Variants in DOCK5 observed in about 807,000 individuals in gnomAD.
The protein encoded by DOCK5 is dedicator of cytokinesis 5.
DOCK5 carries 142 observed loss-of-function variants against 251.8 expected under a neutral mutation model. That is an observed-to-expected ratio of 0.56 (90% CI 0.49 to 0.65). The LOEUF is 0.65. DOCK5 is among the 30% of genes least tolerant of loss of function. DOCK5 has a pLI of 0.00. For synonymous variants in DOCK5, 842 were observed against 835.5 expected, an observed-to-expected ratio of 1.01 and a Z score of -0.13; for missense variants, 2,111 against 2,312.3, an observed-to-expected ratio of 0.91 and a Z score of 1.79.
chr8:25,315,257 G>A (rs1474465519), intron 13 of DOCK5, among the ~76,000 whole-genome samples: 2 of 150,652 alleles, frequency 1.3e-5, no homozygotes, highest in Admixed American at 1.3e-4. Flanking sequence ...CCTACCTCTG[G>A]GCCTTTGCAC....
intron 2 of DOCK5, among the ~76,000 whole-genome samples, chr8:25,244,252 A>G (rs926786042): frequency 2.0e-5 from 3 of 152,190 alleles, no homozygotes; most frequent in African/African-American, 7.2e-5. Context: ...ATCTCCTTCA[A>G]CTAGGTCAGG....
intron 43 of DOCK5, 122 bp downstream of exon 43, chr8:25,392,102 G>C (rs1204032111): frequency 2.2e-6 from 2 of 903,532 alleles, no homozygotes; most frequent in Admixed American, 2.5e-5. Flanking sequence ...AAGAGATCGA[G>C]ACCATCCTGG....
At chr8:25,402,827 T>C (rs1392914580) in intron 47 of DOCK5, among the ~76,000 whole-genome samples, 2 of 152,258 alleles carry the variant, frequency 1.3e-5, no homozygotes, top group Non-Finnish European at 2.9e-5. Flanking sequence ...TGCTCTTTTC[T>C]CCCCCATTCC....
chr8:25,389,784 A>C (rs1023205138), intron 41 of DOCK5, among the ~76,000 whole-genome samples: 1 of 152,194 alleles, frequency 6.6e-6, no homozygotes, highest in Non-Finnish European at 1.5e-5. Flanking sequence ...AATACCTAGC[A>C]CAGTGCCCAA....
At chr8:25,330,810 G>A (rs1391637729) in intron 18 of DOCK5, among the ~76,000 whole-genome samples, 2 of 151,860 alleles carry the variant, frequency 1.3e-5, no homozygotes, top group African/African-American at 4.9e-5. Flanking sequence ...TAATCCCTTT[G>A]GGAGGGATTT....
rs1405368350 is a variant in DOCK5 at position 25,415,175 on chromosome 8, T to C, written c.*3877T>C. The C allele has an allele frequency of 6.6e-6, 1 of 152,178 alleles. No individual in the cohort carries two copies. Among genetic ancestry groups the C allele is most frequent in the Non-Finnish European group, 1.5e-5 (1 of 68,040 alleles). 9.4% of individuals were successfully genotyped at this position (152,178 alleles called of 1,614,324 possible). ...TATGTCAGTAATAATCCAGCACACA[T>C]TGAAATATTGACACAGATTACCATA... On this transcript the variant is annotated 3_prime_UTR_variant, in exon 52 of 52. Coordinates refer to ENST00000276440, the MANE Select transcript of DOCK5 (RefSeq NM_024940.8).
At position 25,190,775 on chromosome 8, in the gene DOCK5, G is replaced by GTTTTTTTTTTTTTTTTTTTTTTTTTT. The variant is rs755511798; in HGVS notation, c.43+5824_43+5825insTTTTTTTTTTTTTTTTTTTTTTTTTT. Among the ~76,000 whole-genome samples the GTTTTTTTTTTTTTTTTTTTTTTTTTT allele has an allele frequency of 1.7e-4, 9 of 53,980 alleles. 2 individuals are homozygous for GTTTTTTTTTTTTTTTTTTTTTTTTTT. Among genetic ancestry groups the GTTTTTTTTTTTTTTTTTTTTTTTTTT allele is most frequent in the South Asian group, 6.7e-4 (1 of 1,496 alleles). The allele number at this position is 53,980 out of a possible 152,430, so 35.4% of individuals were successfully genotyped here. ...AAGGCCTGGCCTTAACTTGGTCATG[G>GTTTTTTTTTTTTTTTTTTTTTTTTTT]GTTTTTTTTTTTTTTTTTTTTTTTT... is the stretch of plus-strand genomic sequence containing the variant. On this transcript the variant is annotated intron_variant, in intron 1 of 51. Transcript: ENST00000276440.
At chr8:25,264,031 C>T (rs895892578) in intron 2 of DOCK5, among the ~76,000 whole-genome samples, 1 of 151,738 alleles carries the variant, frequency 6.6e-6, no homozygotes, top group African/African-American at 2.4e-5. Context: ...CATTCATGGC[C>T]ACCCCCAGCA....
intron 1 of DOCK5, among the ~76,000 whole-genome samples, chr8:25,192,954 A>G (rs576318100): frequency 6.6e-6 from 1 of 152,356 alleles, no homozygotes; most frequent in African/African-American, 2.4e-5. Context: ...AAAGCAACAA[A>G]AATAAAAGCG....
At chr8:25,207,694 T>TA in intron 1 of DOCK5, among the ~76,000 whole-genome samples, 1 of 152,318 alleles carries the variant, frequency 6.6e-6, no homozygotes, top group East Asian at 1.9e-4. Context: ...TTCAAAATAT[T>TA]ACTGCCCATT....
At chr8:25,385,350 G>C (rs116156881) in intron 40 of DOCK5, among the ~76,000 whole-genome samples, 218 of 152,304 alleles carry the variant, frequency 1.4e-3, no homozygotes, top group African/African-American at 4.7e-3. Flanking sequence ...TGACAGGCTA[G>C]ACTCGGGACG....
intron 2 of DOCK5, among the ~76,000 whole-genome samples, chr8:25,250,602 G>GT (rs1803242074): frequency 6.6e-6 from 1 of 152,204 alleles, no homozygotes; most frequent in Non-Finnish European, 1.5e-5. Context: ...TGAGCACCAA[G>GT]TATGTGCCAA....
intron 8 of DOCK5, 75 bp from the exon 9 acceptor site, chr8:25,300,501 G>C (rs1212349265): frequency 1.5e-6 from 2 of 1,322,294 alleles, no homozygotes; most frequent in African/African-American, 2.9e-5. Flanking sequence ...TCCCTTGTAA[G>C]TCTATACTGA....
chr8:25,320,445 T>C (rs1011036923), intron 15 of DOCK5, among the ~76,000 whole-genome samples: 2 of 152,216 alleles, frequency 1.3e-5, no homozygotes, highest in African/African-American at 4.8e-5. Context: ...AGATATGTAT[T>C]TTAGATACTT....
intron 47 of DOCK5, among the ~76,000 whole-genome samples, chr8:25,402,844 C>T (rs1247117338): frequency 1.3e-5 from 2 of 152,166 alleles, no homozygotes; most frequent in African/African-American, 2.4e-5. Context: ...TTCCTGTCTG[C>T]CCACCTTCAG....
chr8:25,270,563 A>T (rs1803879097), intron 3 of DOCK5, among the ~76,000 whole-genome samples: 1 of 152,238 alleles, frequency 6.6e-6, no homozygotes, highest in African/African-American at 2.4e-5. Context: ...TTAATTTAAA[A>T]ACAATAAACA....
chr8:25,296,562 G>C lies in DOCK5; in HGVS notation c.520G>C (p.Asp174His). 6.2e-7 allele frequency: 1 copy of C among 1,612,128 alleles called. No individual in the cohort carries two copies. Among genetic ancestry groups the C allele is most frequent in the Non-Finnish European group, 8.5e-7 (1 of 1,179,136 alleles). The stretch of plus-strand genomic sequence containing the variant: ...GCGAGATGACAATGGGAACATCCTA[G>C]ACCCTGACGAAACCAGCACCATTGC... ...VVRDDNGNIL[D>H]PDETSTIALF... Residue 174 changes from aspartate to histidine, a missense_variant, in exon 7 of 52, where the codon GAC becomes CAC. Physicochemically the swap from Asp to His is moderately conservative, Grantham distance 81. Around this residue, in one of 3 missense-constraint regions of DOCK5, gnomAD observed 335 missense variants for 324.9 expected, o/e 1.03. Transcript: ENST00000276440.
chr8:25,289,100 TC>T (rs5890214), intron 5 of DOCK5, among the ~76,000 whole-genome samples: 128,828 of 152,116 alleles, frequency 0.85, 56,327 homozygotes, highest in Non-Finnish European at 0.96. Context: ...TCAGTTTTGT[TC>T]ATTGCCCCCT....
rs557863404 is a variant in DOCK5 at position 25,362,753 on chromosome 8, T to C, written c.2950-294T>C. ...ACACCCAACCCTCCTTCCTACTTTC[T>C]ATGCCCTTAAGTGAGTCCTTTAGTT... On this transcript the variant is annotated intron_variant, in intron 28 of 51. Coordinates refer to ENST00000276440, the MANE Select transcript of DOCK5 (RefSeq NM_024940.8). Among the ~76,000 whole-genome samples the C allele has an allele frequency of 5.4e-4, 82 of 152,306 alleles. 2 individuals are homozygous for C. The South Asian group carries it at 0.017, about 31-fold the overall frequency.
Sources: gnomAD v4.1 joint callset for allele counts (sites outside exome capture counted in the v4.1 genomes callset) on GRCh38, gnomAD v4.1.1 for gene constraint, gnomAD v4.1.1 regional missense constraint, MANE v1.5 for transcripts, NCBI Gene and HGNC (gene_info 2026-07-23, HGNC 2026-07-21) for gene names.